The following CDH12 variants were observed in gnomAD, a reference collection of about 807,000 sequenced individuals.
CDH12 encodes cadherin-12.
CDH12 carries 41 observed loss-of-function variants against 74.1 expected under a neutral mutation model. That is an observed-to-expected ratio of 0.55 (90% CI 0.43 to 0.72). The LOEUF is 0.72. CDH12 is among the 30% of genes least tolerant of loss of function. The pLI, the probability that CDH12 is intolerant of heterozygous loss-of-function variation, is 0.00. For synonymous variants in CDH12, 399 were observed against 355.0 expected (o/e 1.12, Z -1.39); for missense variants, 945 against 977.2 (o/e 0.97, Z 0.44).
At chr5:22,177,278 T>C (rs1250507419) in intron 4 of CDH12, among the ~76,000 whole-genome samples, 1 of 151,922 alleles carries the variant, frequency 6.6e-6, no homozygotes, top group East Asian at 1.9e-4. Context: ...CATACAGAAG[T>C]CGCTTTGCTT....
intron 6 of CDH12, among the ~76,000 whole-genome samples, chr5:21,943,071 C>A (rs1047501013): frequency 3.3e-5 from 5 of 152,224 alleles, no homozygotes; most frequent in Admixed American, 3.3e-4. Flanking sequence ...ACAGTGCCTC[C>A]TTCACATGCT....
intron 2 of CDH12, among the ~76,000 whole-genome samples, chr5:22,487,937 A>G (rs1020355012): frequency 1.3e-5 from 2 of 152,246 alleles, no homozygotes; most frequent in Non-Finnish European, 2.9e-5. Flanking sequence ...TTTATTTCAT[A>G]TAACAGGCAT....
intron 11 of CDH12, among the ~76,000 whole-genome samples, chr5:21,779,104 G>A (rs1289797282): frequency 1.3e-5 from 2 of 151,396 alleles, no homozygotes; most frequent in African/African-American, 4.9e-5. Flanking sequence ...TAACTAATAG[G>A]ACCAAGAAAA....
At chr5:22,065,685 G>A (rs777945452) in intron 5 of CDH12, among the ~76,000 whole-genome samples, 5 of 152,160 alleles carry the variant, frequency 3.3e-5, no homozygotes, top group East Asian at 1.9e-4. Context: ...CAGCATCCCA[G>A]TGATCACTCA....
At chr5:22,227,513 T>A (rs188407669) in intron 3 of CDH12, among the ~76,000 whole-genome samples, 135 of 152,264 alleles carry the variant, frequency 8.9e-4, no homozygotes, top group Non-Finnish European at 1.7e-3. Context: ...ATTCACAAAT[T>A]ACTTATAGTG....
intron 6 of CDH12, among the ~76,000 whole-genome samples, chr5:21,953,589 G>A (rs1162356416): frequency 6.6e-6 from 1 of 152,108 alleles, no homozygotes; most frequent in Non-Finnish European, 1.5e-5. Context: ...TGAGGATGAA[G>A]GGAAGAGAAA....
intron 5 of CDH12, among the ~76,000 whole-genome samples, chr5:22,059,130 T>C (rs1470729583): frequency 3.9e-5 from 6 of 152,118 alleles, no homozygotes; most frequent in Non-Finnish European, 7.4e-5. Context: ...ATAAGAAAGA[T>C]AGGTTTAAAT....
chr5:21,933,694 A>C (rs1754946647), intron 6 of CDH12, among the ~76,000 whole-genome samples: 1 of 152,194 alleles, frequency 6.6e-6, no homozygotes, highest in African/African-American at 2.4e-5. Context: ...GTTGCTCTAG[A>C]TGTAAATTAA....
chr5:22,553,603 C>T (rs1038944620), intron 1 of CDH12, among the ~76,000 whole-genome samples: 3 of 151,944 alleles, frequency 2.0e-5, no homozygotes, highest in Admixed American at 6.6e-5. Flanking sequence ...AACTAAACAA[C>T]GCTGGTGAAA....
At chr5:22,526,586 C>T (rs1344701527) in intron 1 of CDH12, among the ~76,000 whole-genome samples, 1 of 152,128 alleles carries the variant, frequency 6.6e-6, no homozygotes, top group Non-Finnish European at 1.5e-5. Flanking sequence ...TCTGGTGCGG[C>T]AGCTGCAATT....
At chr5:22,634,640 G>A (rs1231211800) in intron 1 of CDH12, among the ~76,000 whole-genome samples, 8 of 152,022 alleles carry the variant, frequency 5.3e-5, no homozygotes, top group Non-Finnish European at 7.4e-5. Flanking sequence ...CAAGATCACC[G>A]CTGAATACTT....
At chr5:22,146,636 TA>T (rs1747203118) in intron 4 of CDH12, among the ~76,000 whole-genome samples, 1 of 152,164 alleles carries the variant, frequency 6.6e-6, no homozygotes, top group Non-Finnish European at 1.5e-5. Context: ...ACAAATCATT[TA>T]TAGGTCTTAT....
At chr5:21,833,466 T>G (rs1749336729) in intron 8 of CDH12, among the ~76,000 whole-genome samples, 1 of 119,974 alleles carries the variant, frequency 8.3e-6, no homozygotes, top group Non-Finnish European at 1.7e-5. Context: ...TGATATATAT[T>G]ATTATATATC....
At chr5:22,727,514 G>A (rs940457340) in intron 1 of CDH12, among the ~76,000 whole-genome samples, 2 of 151,448 alleles carry the variant, frequency 1.3e-5, no homozygotes, top group South Asian at 2.1e-4. Flanking sequence ...TGACATTGTT[G>A]TTTATATAGT....
intron 6 of CDH12, among the ~76,000 whole-genome samples, chr5:21,887,474 C>T (rs1752690617): frequency 6.6e-6 from 1 of 152,164 alleles, no homozygotes; most frequent in South Asian, 2.1e-4. Flanking sequence ...GACAGATCTT[C>T]CTCCCATAGT....
intron 9 of CDH12, among the ~76,000 whole-genome samples, chr5:21,808,744 T>C (rs1467222729): frequency 6.6e-6 from 1 of 152,078 alleles, no homozygotes; most frequent in Non-Finnish European, 1.5e-5. Context: ...TCAATTCTTG[T>C]CTGGGAAGAG....
chr5:22,690,256 T>C (rs1742014118), intron 1 of CDH12, among the ~76,000 whole-genome samples: 1 of 152,130 alleles, frequency 6.6e-6, no homozygotes, highest in Non-Finnish European at 1.5e-5. Context: ...ATCTTCTAAA[T>C]TAAATCTTCT....
At chr5:22,692,261 G>T (rs973190128) in intron 1 of CDH12, among the ~76,000 whole-genome samples, 1 of 152,094 alleles carries the variant, frequency 6.6e-6, no homozygotes, top group Admixed American at 6.6e-5. Flanking sequence ...TGGTGTCCGG[G>T]CTTCTCATAC....
chr5:22,251,935 G>A (rs1485569138), intron 3 of CDH12, among the ~76,000 whole-genome samples: 2 of 152,044 alleles, frequency 1.3e-5, no homozygotes, highest in African/African-American at 2.4e-5. Context: ...GTGAACACAT[G>A]GGTATTTTTT....
Sources: allele counts gnomAD v4.1 joint callset (sites outside exome capture counted in the v4.1 genomes callset), GRCh38; gene constraint gnomAD v4.1.1; transcripts MANE v1.5; gene names NCBI Gene and HGNC (gene_info 2026-07-23, HGNC 2026-07-21).